Variants in ARL15 observed in about 807,000 individuals in gnomAD.
ARL15 encodes the protein ADP-ribosylation factor-like protein 15.
A neutral mutation model predicts 25.2 loss-of-function variants in ARL15; 19 were observed. The observed-to-expected ratio is 0.75, with a 90% confidence interval of 0.53 to 1.10. The LOEUF is 1.10. Ranked by LOEUF, ARL15 falls within the 50% of genes least tolerant of loss-of-function variation. The pLI is 0.00. For synonymous variants in ARL15, 94 were observed against 86.8 expected (o/e 1.08, Z -0.46); for missense variants, 220 against 246.0 (o/e 0.89, Z 0.71).
chr5:54,103,350 G>A (rs1003235447), intron 4 of ARL15, among the ~76,000 whole-genome samples: 2 of 151,996 alleles, frequency 1.3e-5, no homozygotes, highest in Non-Finnish European at 2.9e-5. Flanking sequence ...TTAGACCTTT[G>A]TAGTATACCT....
At chr5:54,160,969 T>C (rs1754385122) in intron 2 of ARL15, among the ~76,000 whole-genome samples, 2 of 152,158 alleles carry the variant, frequency 1.3e-5, no homozygotes, top group South Asian at 2.1e-4. Flanking sequence ...ATAAAGGTTT[T>C]ACCCATAATT....
intron 1 of ARL15, among the ~76,000 whole-genome samples, chr5:54,239,641 G>T (rs1227537236): frequency 6.6e-6 from 1 of 152,162 alleles, no homozygotes; most frequent in East Asian, 1.9e-4. Context: ...AGGACAAAAA[G>T]AAGTTAAATT....
At chr5:53,922,913 C>T (rs1352505403) in intron 4 of ARL15, among the ~76,000 whole-genome samples, 5 of 152,166 alleles carry the variant, frequency 3.3e-5, no homozygotes, top group Non-Finnish European at 7.3e-5. Context: ...GAGCAGCACT[C>T]CATAAATGCT....
chr5:54,268,133 A>G (rs1757676889), intron 1 of ARL15, among the ~76,000 whole-genome samples: 1 of 151,042 alleles, frequency 6.6e-6, no homozygotes, highest in Admixed American at 6.6e-5. Context: ...GTCTTTTCAC[A>G]TAGTCCCATA....
chr5:54,069,692 C>T (rs1381712718), intron 4 of ARL15, among the ~76,000 whole-genome samples: 1 of 151,408 alleles, frequency 6.6e-6, no homozygotes, highest in Non-Finnish European at 1.5e-5. Context: ...CAGTCACCCA[C>T]GCTGGAGTAC....
intron 1 of ARL15, among the ~76,000 whole-genome samples, chr5:54,267,296 T>C (rs148327329): frequency 2.5e-3 from 379 of 152,308 alleles, no homozygotes; most frequent in African/African-American, 8.7e-3. Context: ...TTTCACATTG[T>C]TAGCCAGGAC....
chr5:53,999,077 G>C (rs146606227), intron 4 of ARL15, among the ~76,000 whole-genome samples: 20 of 152,248 alleles, frequency 1.3e-4, no homozygotes, highest in Middle Eastern at 6.8e-3. Flanking sequence ...TCAAGAGTGG[G>C]GCCAGGAAGT....
intron 4 of ARL15, among the ~76,000 whole-genome samples, chr5:53,914,852 C>T (rs370137568): frequency 6.6e-5 from 10 of 152,000 alleles, no homozygotes; most frequent in African/African-American, 2.4e-4. Context: ...GCTTCTTCGC[C>T]CAGGCTGGAG....
chr5:54,247,413 C>A (rs1324009620), intron 1 of ARL15, among the ~76,000 whole-genome samples: 3 of 151,900 alleles, frequency 2.0e-5, no homozygotes, highest in Non-Finnish European at 2.9e-5. Context: ...GTGGGGTCGG[C>A]TGGTAGGGAG....
At chr5:54,209,575 C>T (rs1383427670) in intron 1 of ARL15, among the ~76,000 whole-genome samples, 3 of 151,996 alleles carry the variant, frequency 2.0e-5, no homozygotes, top group Non-Finnish European at 4.4e-5. Context: ...AATTGAATAT[C>T]CATTTCTGTC....
chr5:54,171,839 G>A lies in ARL15; in HGVS notation c.138C>T (p.Thr46=). Residue 46 remains threonine, a synonymous_variant, in exon 2 of 5, where the codon ACC becomes ACT. Transcript: ENST00000504924. ...CACTGCAGAGTTTGGACAACAGACT[G>A]GTTTTGCCAGAACCTGTGAGGCCTA... The part of the protein sequence containing the change: ...VCIGLTGSGK[T]SLLSKLCSES... The A allele has an allele frequency of 6.2e-7, 1 of 1,613,496 alleles. No individual in the cohort carries two copies. Among genetic ancestry groups the A allele is most frequent in the East Asian group, 2.2e-5 (1 of 44,830 alleles).
At chr5:54,270,309 T>C (rs1007467346) in intron 1 of ARL15, among the ~76,000 whole-genome samples, 8 of 152,202 alleles carry the variant, frequency 5.3e-5, no homozygotes, top group African/African-American at 1.7e-4. Context: ...AGGTTTTTAT[T>C]TCCAAGGCCA....
intron 4 of ARL15, among the ~76,000 whole-genome samples, chr5:54,093,730 A>G (rs970206081): frequency 2.0e-5 from 3 of 151,602 alleles, no homozygotes; most frequent in African/African-American, 4.8e-5. Context: ...CTGGGTTATT[A>G]AACTTTTTAA....
chr5:54,223,356 C>T (rs761669121), intron 1 of ARL15, among the ~76,000 whole-genome samples: 2 of 152,044 alleles, frequency 1.3e-5, no homozygotes, highest in Non-Finnish European at 2.9e-5. Flanking sequence ...AACTAAAATT[C>T]TTTATTAAAG....
chr5:54,124,743 C>T (rs940283558), intron 3 of ARL15, among the ~76,000 whole-genome samples: 5 of 152,192 alleles, frequency 3.3e-5, no homozygotes, highest in Non-Finnish European at 7.3e-5. Flanking sequence ...GCCATAATGG[C>T]ATCATAGGTG....
intron 4 of ARL15, among the ~76,000 whole-genome samples, chr5:54,003,897 CAAG>C (rs1456868394): frequency 6.6e-6 from 1 of 152,128 alleles, no homozygotes; most frequent in Admixed American, 6.5e-5. Context: ...ACTTTAAACA[CAAG>C]AAGCACACAG....
At chr5:54,001,210 T>A (rs1748840448) in intron 4 of ARL15, among the ~76,000 whole-genome samples, 2 of 152,164 alleles carry the variant, frequency 1.3e-5, no homozygotes, top group Non-Finnish European at 2.9e-5. Flanking sequence ...GACTCAGTAA[T>A]CCACCCTCCC....
intron 4 of ARL15, among the ~76,000 whole-genome samples, chr5:53,960,179 G>T (rs1580119716): frequency 6.6e-6 from 1 of 152,156 alleles, no homozygotes; most frequent in African/African-American, 2.4e-5. Flanking sequence ...AAATGAGTAT[G>T]TACAATGATA....
intron 4 of ARL15, among the ~76,000 whole-genome samples, chr5:54,021,947 C>G (rs1394484684): frequency 6.6e-6 from 1 of 152,138 alleles, no homozygotes; most frequent in Admixed American, 6.6e-5. Context: ...ACAGCAGATT[C>G]CTCCCCAGAA....
Sources: allele counts gnomAD v4.1 joint callset (sites outside exome capture counted in the v4.1 genomes callset), GRCh38; gene constraint gnomAD v4.1.1; transcripts MANE v1.5; gene names NCBI Gene and HGNC (gene_info 2026-07-23, HGNC 2026-07-21).